Variants in LIFR observed in about 807,000 individuals in gnomAD.
The protein encoded by LIFR is leukemia inhibitory factor receptor.
Under a neutral mutation model 122.2 loss-of-function variants are expected in LIFR, and 84 were observed. The observed-to-expected ratio is 0.69, with a 90% CI of 0.58 to 0.82. LIFR has a LOEUF of 0.82. Ranked by LOEUF, LIFR falls within the 40% of genes least tolerant of loss-of-function variation. The pLI, the probability that LIFR is intolerant of heterozygous loss-of-function variation, is 0.00. For synonymous variants in LIFR, 422 were observed against 434.7 expected, an observed-to-expected ratio of 0.97 and a Z score of 0.36; for missense variants, 1,294 against 1,311.6, an observed-to-expected ratio of 0.99 and a Z score of 0.21.
chr5:38,492,840 G>A (rs559665978), intron 14 of LIFR, among the ~76,000 whole-genome samples: 7 of 152,106 alleles, frequency 4.6e-5, no homozygotes, highest in Non-Finnish European at 8.8e-5. Flanking sequence ...AAATCCCATG[G>A]GGACAGGCAG....
At chr5:38,581,407 T>G (rs1749578010) in intron 1 of LIFR, among the ~76,000 whole-genome samples, 1 of 152,206 alleles carries the variant, frequency 6.6e-6, no homozygotes, top group Admixed American at 6.5e-5. Context: ...CAATCTGAAC[T>G]TCTCACCATT....
chr5:38,539,258 G>A (rs1217839348), intron 1 of LIFR, among the ~76,000 whole-genome samples: 2 of 152,050 alleles, frequency 1.3e-5, no homozygotes, highest in African/African-American at 4.8e-5. Flanking sequence ...CTTCCTCTTG[G>A]TTCTCATGCT....
At chr5:38,558,119 T>A (rs978771678), upstream of LIFR, 3 of 152,046 alleles carry the variant, frequency 2.0e-5, no homozygotes, top group Admixed American at 6.5e-5. Flanking sequence ...AAATTTAGGT[T>A]TAAGAAAGTA....
At chr5:38,514,354 A>G (rs1260232591) in intron 5 of LIFR, among the ~76,000 whole-genome samples, 3 of 152,294 alleles carry the variant, frequency 2.0e-5, no homozygotes, top group African/African-American at 7.2e-5. Flanking sequence ...ACTAAGAAAC[A>G]ATGGAATCAT....
chr5:38,514,555 T>C (rs1279176857), intron 5 of LIFR, among the ~76,000 whole-genome samples: 3 of 152,196 alleles, frequency 2.0e-5, no homozygotes, highest in Non-Finnish European at 2.9e-5. Flanking sequence ...GTAATAGTAA[T>C]TGACAAGCTT....
At chr5:38,489,397 GC>G (rs1465694227) in intron 15 of LIFR, 152 bp from the exon 16 acceptor site, 2 of 719,588 alleles carry the variant, frequency 2.8e-6, no homozygotes, top group Non-Finnish European at 4.7e-6. Flanking sequence ...GATCACAAAC[GC>G]TTTTTTTGTG....
chr5:38,514,474 T>G (rs1745969663), intron 5 of LIFR, among the ~76,000 whole-genome samples: 1 of 152,236 alleles, frequency 6.6e-6, no homozygotes, highest in Non-Finnish European at 1.5e-5. Flanking sequence ...TATCTCCATG[T>G]ATTCCTTTGG....
At chr5:38,527,070 GA>G in intron 4 of LIFR, 84 bp downstream of exon 4, 1 of 1,249,698 alleles carries the variant, frequency 8.0e-7, no homozygotes, top group Non-Finnish European at 1.1e-6. Context: ...CATAACACAT[GA>G]AATTCAAAAA....
rs955786231 is a variant in LIFR at position 38,564,771 on chromosome 5, C to T, written c.-20+30490G>A. 7.6e-5 allele frequency among the ~76,000 whole-genome samples: 10 copies of T among 131,008 alleles called. No homozygotes were observed. The East Asian group carries it at 1.7e-3, about 22-fold the overall frequency. 85.9% of individuals were successfully genotyped at this position (131,008 alleles called of 152,430 possible). On this transcript the variant is annotated intron_variant, in intron 1 of 19. Coordinates refer to the LIFR transcript ENST00000263409. Reference sequence around the variant, plus strand: ...ACACACACACACACACACACACACACACACACATATATTTTTTTTTTGAGT... The same window carrying T: ...ACACACACACACACACACACACACATACACACATATATTTTTTTTTTGAGT...
intron 17 of LIFR, among the ~76,000 whole-genome samples, chr5:38,485,376 G>A (rs1744229806): frequency 6.6e-6 from 1 of 152,182 alleles, no homozygotes; most frequent in Admixed American, 6.5e-5. Context: ...TATGATCGAA[G>A]TGAAGTTCTT....
At chr5:38,517,136 C>T (rs912272445) in intron 5 of LIFR, among the ~76,000 whole-genome samples, 2 of 151,938 alleles carry the variant, frequency 1.3e-5, no homozygotes, top group Non-Finnish European at 2.9e-5. Flanking sequence ...AGCAAACCAC[C>T]ATGGCACGTA....
chr5:38,547,724 C>CAG (rs910460442), intron 1 of LIFR, among the ~76,000 whole-genome samples: 67 of 152,250 alleles, frequency 4.4e-4, no homozygotes, highest in African/African-American at 1.6e-3. Context: ...GACAAGGATA[C>CAG]AGTTCTGAGA....
chr5:38,605,024 T>A (rs1750297229), intron 2 of LIFR, among the ~76,000 whole-genome samples: 1 of 152,092 alleles, frequency 6.6e-6, no homozygotes, highest in Non-Finnish European at 1.5e-5. Flanking sequence ...TGATAAGGGG[T>A]TGTGGAGACC....
intron 1 of LIFR, among the ~76,000 whole-genome samples, chr5:38,589,563 T>G (rs570194955): frequency 6.6e-6 from 1 of 152,216 alleles, no homozygotes; most frequent in Admixed American, 6.5e-5. Flanking sequence ...CCATCAAATT[T>G]AAAAAAATGG....
chr5:38,535,875 A>C (rs1465589174), intron 1 of LIFR, among the ~76,000 whole-genome samples: 2 of 152,232 alleles, frequency 1.3e-5, no homozygotes, highest in East Asian at 3.8e-4. Flanking sequence ...TCTGGCTCCC[A>C]AACTGCACTG....
intron 1 of LIFR, among the ~76,000 whole-genome samples, chr5:38,579,869 T>C (rs1274522941): frequency 2.0e-5 from 3 of 152,214 alleles, no homozygotes; most frequent in African/African-American, 7.2e-5. Flanking sequence ...AATATCTTAA[T>C]ATTCAACAGT....
At chr5:38,531,668 A>C (rs1325894278) in intron 1 of LIFR, among the ~76,000 whole-genome samples, 1 of 152,144 alleles carries the variant, frequency 6.6e-6, no homozygotes, top group Non-Finnish European at 1.5e-5. Flanking sequence ...CTTTCAGAAC[A>C]AAATACAAAA....
In LIFR at chr5:38,486,021, C is replaced by T. The variant is rs751235822; in HGVS notation, c.2336-41G>A. 75 of 1,566,618 alleles carry T rather than the reference C, an allele frequency of 4.8e-5. 1 individual carries two copies. Among genetic ancestry groups the T allele is most frequent in the Admixed American group, 1.2e-4 (7 of 59,674 alleles). On this transcript the variant is annotated intron_variant, in intron 16 of 19. Transcript: ENST00000453190. ...AGTATGTTAGCACTAATCTCTAACC[C>T]GTTTCAAATGCATGGTTACCCACAC...
At chr5:38,482,898 A>C (rs974199040) in intron 18 of LIFR, among the ~76,000 whole-genome samples, 6 of 152,216 alleles carry the variant, frequency 3.9e-5, no homozygotes, top group African/African-American at 1.4e-4. Context: ...TATAATACCC[A>C]TGTATCTCAT....
Sources: gnomAD v4.1 joint callset for allele counts (sites outside exome capture counted in the v4.1 genomes callset) on GRCh38, gnomAD v4.1.1 for gene constraint, MANE v1.5 for transcripts, NCBI Gene and HGNC (gene_info 2026-07-23, HGNC 2026-07-21) for gene names.